F13A1: variants seen among roughly 807,000 people sequenced by gnomAD.
The protein encoded by F13A1 is FSF, A subunit.
A neutral mutation model predicts 80.1 loss-of-function variants in F13A1; 47 were observed. The ratio of observed to expected loss-of-function variants is 0.59; its 90% CI spans 0.46 to 0.75. The LOEUF (loss-of-function observed/expected upper bound fraction) is 0.75, where lower values mean the gene tolerates loss of function less well. F13A1 is among the 30% of genes least tolerant of loss of function. F13A1 has a pLI of 0.00. For missense variants in F13A1, 817 were observed against 930.4 expected (o/e 0.88, Z 1.59); for synonymous variants, 349 against 344.9 (o/e 1.01, Z -0.13).
chr6:6,286,901 T>C (rs762152891), intron 3 of F13A1, among the ~76,000 whole-genome samples: 8 of 152,212 alleles, frequency 5.3e-5, no homozygotes, highest in Non-Finnish European at 1.0e-4. Context: ...GCTGTTATAG[T>C]AGCATTTTAT....
intron 11 of F13A1, 43 bp from the exon 12 acceptor site, chr6:6,174,910 A>C (rs754216001): frequency 6.2e-7 from 1 of 1,611,722 alleles, no homozygotes; most frequent in Non-Finnish European, 8.5e-7. Flanking sequence ...AATACAATCC[A>C]CCAGAGAGAA....
In F13A1 at chr6:6,302,282, G is replaced by C. The variant is rs117446770; in HGVS notation, c.319+3069C>G. 2.0e-5 allele frequency among the ~76,000 whole-genome samples: 3 copies of C among 152,014 alleles called. No homozygotes were observed. The South Asian group carries it at 6.2e-4, about 31-fold the overall frequency. On this transcript the variant is annotated intron_variant, in intron 3 of 14. Coordinates refer to ENST00000264870, the MANE Select transcript of F13A1 (RefSeq NM_000129.4). Reference sequence around the variant, plus strand: ...CCAGAGCTTCAAACGTGAATTTGTTGTCATGCACGGGATGTAATATGTTGT... The same window carrying C: ...CCAGAGCTTCAAACGTGAATTTGTTCTCATGCACGGGATGTAATATGTTGT...
intron 3 of F13A1, among the ~76,000 whole-genome samples, chr6:6,269,143 T>C (rs1179550192): frequency 6.6e-6 from 1 of 152,156 alleles, no homozygotes; most frequent in Non-Finnish European, 1.5e-5. Flanking sequence ...ATATTGTGGC[T>C]AAGGGGAAAG....
chr6:6,302,894 A>T (rs904791468), intron 3 of F13A1, among the ~76,000 whole-genome samples: 25 of 152,304 alleles, frequency 1.6e-4, no homozygotes, highest in African/African-American at 6.0e-4. Flanking sequence ...TCCAGTTTTT[A>T]GTTAAGTCTG....
chr6:6,251,123 AG>A (rs1757626505), intron 4 of F13A1, among the ~76,000 whole-genome samples, 194 bp from the exon 5 acceptor site: 1 of 152,214 alleles, frequency 6.6e-6, no homozygotes. Flanking sequence ...CACCAAATTC[AG>A]TCTGTAAATG....
At chr6:6,181,901 A>G in intron 11 of F13A1, 87 bp downstream of exon 11, 1 of 1,468,040 alleles carries the variant, frequency 6.8e-7, no homozygotes, top group Non-Finnish European at 9.5e-7. Context: ...ATGCCAGTGC[A>G]TTCTCTGGAA....
chr6:6,208,447 CAGA>C (rs1761533213), intron 8 of F13A1, among the ~76,000 whole-genome samples: 1 of 152,122 alleles, frequency 6.6e-6, no homozygotes, highest in African/African-American at 2.4e-5. Flanking sequence ...ATGGGAGTCC[CAGA>C]AGAAGAGGAA....
At chr6:6,156,055 G>A (rs1760471752) in intron 13 of F13A1, among the ~76,000 whole-genome samples, 1 of 152,126 alleles carries the variant, frequency 6.6e-6, no homozygotes, top group African/African-American at 2.4e-5. Flanking sequence ...CATTACTTGG[G>A]CCAGAGAAAA....
intron 10 of F13A1, among the ~76,000 whole-genome samples, chr6:6,191,463 C>T (rs966233175): frequency 6.6e-6 from 1 of 152,180 alleles, no homozygotes; most frequent in Non-Finnish European, 1.5e-5. Context: ...TTTCACAACA[C>T]CACACCCTTG....
chr6:6,312,652 TG>T (rs36137611), intron 2 of F13A1, among the ~76,000 whole-genome samples: 108,878 of 149,472 alleles, frequency 0.73, 40,045 homozygotes, highest in East Asian at 0.85. Context: ...CACTCCAGCC[TG>T]GGTGACAGAG....
chr6:6,197,873 T>C (rs547019466), intron 8 of F13A1, among the ~76,000 whole-genome samples: 40 of 152,296 alleles, frequency 2.6e-4, no homozygotes, highest in African/African-American at 7.7e-4. Flanking sequence ...AAGAGCAGCT[T>C]CAAGGCCACC....
chr6:6,210,533 C>T (rs1761589502), intron 8 of F13A1, among the ~76,000 whole-genome samples: 1 of 52,956 alleles, frequency 1.9e-5, no homozygotes, highest in Non-Finnish European at 3.5e-5. Context: ...AGGCACCTGC[C>T]ACAGTTAGCC....
intron 2 of F13A1, among the ~76,000 whole-genome samples, chr6:6,315,575 A>C (rs546119430): frequency 6.6e-6 from 1 of 152,130 alleles, no homozygotes; most frequent in Non-Finnish European, 1.5e-5. Context: ...CGTTATATAC[A>C]CTCAGTATAC....
chr6:6,290,831 GCTGT>G (rs1482866447), intron 3 of F13A1, among the ~76,000 whole-genome samples: 2 of 152,150 alleles, frequency 1.3e-5, no homozygotes, highest in East Asian at 1.9e-4. Flanking sequence ...GATGAAATAG[GCTGT>G]CTATTTTCAC....
At chr6:6,241,659 A>G (rs1012465537) in intron 6 of F13A1, among the ~76,000 whole-genome samples, 7 of 152,242 alleles carry the variant, frequency 4.6e-5, no homozygotes, top group Non-Finnish European at 8.8e-5. Flanking sequence ...AAGCTGCTTT[A>G]TAAACCAAAG....
At chr6:6,208,429 T>C (rs904609514) in intron 8 of F13A1, among the ~76,000 whole-genome samples, 11 of 152,084 alleles carry the variant, frequency 7.2e-5, no homozygotes, top group African/African-American at 2.2e-4. Context: ...TATATTAACA[T>C]TTTCCTAATG....
intron 8 of F13A1, among the ~76,000 whole-genome samples, chr6:6,217,521 C>A (rs1434238339): frequency 2.8e-4 from 33 of 118,180 alleles, no homozygotes; most frequent in Middle Eastern, 7.6e-3. Flanking sequence ...CACTCTGCGG[C>A]CTGTTGTGGG....
intron 12 of F13A1, among the ~76,000 whole-genome samples, chr6:6,168,151 A>AATCATTAG (rs1760710371): frequency 1.3e-5 from 2 of 152,338 alleles, no homozygotes; most frequent in South Asian, 4.1e-4. Context: ...TTTTCTATTT[A>AATCATTAG]AGAGAAGGAA....
intron 8 of F13A1, among the ~76,000 whole-genome samples, chr6:6,221,174 T>A (rs73720340): frequency 0.025 from 3,838 of 152,300 alleles, 147 homozygotes; most frequent in African/African-American, 0.085. Context: ...CAGACCTTGA[T>A]AAAAATTCTT....
Sources: gnomAD v4.1 joint callset for allele counts (sites outside exome capture counted in the v4.1 genomes callset) on GRCh38, gnomAD v4.1.1 for gene constraint, MANE v1.5 for transcripts, NCBI Gene and HGNC (gene_info 2026-07-23, HGNC 2026-07-21) for gene names.